ROCK2: variants seen among roughly 807,000 people sequenced by gnomAD.
ROCK2 encodes Rho associated coiled-coil containing protein kinase 2.
In ROCK2, 61 loss-of-function variants were observed where a neutral mutation model predicts 195.1. That is an observed-to-expected ratio of 0.31 (90% CI 0.25 to 0.39). ROCK2 has a LOEUF of 0.39. Among genes scored for constraint, ROCK2 ranks in the 10% least tolerant of loss-of-function variants. The pLI is 1.00. For synonymous variants in ROCK2, 504 were observed against 545.5 expected (o/e 0.92, Z 1.06); for missense variants, 1,109 against 1,637.4 (o/e 0.68, Z 5.57).
chr2:11,343,705 A>C (rs1669183506), intron 1 of ROCK2, among the ~76,000 whole-genome samples: 1 of 152,116 alleles, frequency 6.6e-6, no homozygotes. Context: ...ACCTCCCCAG[A>C]GTGGGCAGGC....
intron 5 of ROCK2, among the ~76,000 whole-genome samples, chr2:11,228,805 G>T (rs1048779748): frequency 2.0e-5 from 3 of 151,732 alleles, no homozygotes; most frequent in Non-Finnish European, 1.5e-5. Flanking sequence ...ACAACCAAAG[G>T]AAAAATTACT....
intron 3 of ROCK2, among the ~76,000 whole-genome samples, chr2:11,252,893 T>C (rs1444726737): frequency 6.6e-6 from 1 of 151,360 alleles, no homozygotes; most frequent in Non-Finnish European, 1.5e-5. Context: ...CGTATACCTA[T>C]GTAACAAACC....
At chr2:11,305,236 C>T (rs1243805031) in intron 1 of ROCK2, among the ~76,000 whole-genome samples, 2 of 152,064 alleles carry the variant, frequency 1.3e-5, no homozygotes, top group African/African-American at 4.8e-5. Flanking sequence ...ATTAGCTGGG[C>T]ATGGTGGCGC....
intron 3 of ROCK2, among the ~76,000 whole-genome samples, chr2:11,252,974 T>C (rs1665891410): frequency 7.2e-6 from 1 of 139,284 alleles, no homozygotes; most frequent in Non-Finnish European, 1.5e-5. Flanking sequence ...ATAATAATAA[T>C]AATAATAATA....
intron 1 of ROCK2, among the ~76,000 whole-genome samples, chr2:11,298,557 T>C (rs1464380648): frequency 6.6e-6 from 1 of 150,986 alleles, no homozygotes; most frequent in East Asian, 2.0e-4. Context: ...CATTTTCACA[T>C]ACCTTTTCTA....
At chr2:11,262,917 A>C (rs1666283748) in intron 3 of ROCK2, among the ~76,000 whole-genome samples, 1 of 152,170 alleles carries the variant, frequency 6.6e-6, no homozygotes, top group South Asian at 2.1e-4. Context: ...TTTTTATAAG[A>C]AGATCCAATG....
At chr2:11,198,822 TTA>T (rs895602714) in intron 23 of ROCK2, 48 bp from the exon 24 acceptor site, 11 of 1,051,314 alleles carry the variant, frequency 1.0e-5, no homozygotes, top group East Asian at 2.4e-5. Flanking sequence ...TTTACACAAT[TTA>T]TGTTATAAAA....
At chr2:11,283,152 A>C (rs1667065451) in intron 3 of ROCK2, among the ~76,000 whole-genome samples, 1 of 152,026 alleles carries the variant, frequency 6.6e-6, no homozygotes, top group African/African-American at 2.4e-5. Flanking sequence ...CTGTAATCCC[A>C]GCTACTTGGG....
At chr2:11,227,457 A>G in intron 5 of ROCK2, 59 bp from the exon 6 acceptor site, 1 of 1,473,792 alleles carries the variant, frequency 6.8e-7, no homozygotes, top group Non-Finnish European at 9.3e-7. Flanking sequence ...ACACTTATAA[A>G]TGCAATGAAT....
intron 1 of ROCK2, among the ~76,000 whole-genome samples, chr2:11,316,355 T>G (rs1030654348): frequency 2.0e-5 from 3 of 152,164 alleles, no homozygotes; most frequent in Non-Finnish European, 4.4e-5. Flanking sequence ...ATCCATACTT[T>G]GTCAATTACT....
At chr2:11,281,623 T>C (rs184251157) in intron 3 of ROCK2, among the ~76,000 whole-genome samples, 1 of 152,282 alleles carries the variant, frequency 6.6e-6, no homozygotes, top group East Asian at 1.9e-4. Flanking sequence ...GAAATTAAAT[T>C]CCTCTATATG....
intron 1 of ROCK2, among the ~76,000 whole-genome samples, chr2:11,294,025 C>A (rs1667437217): frequency 6.6e-6 from 1 of 151,948 alleles, no homozygotes; most frequent in Non-Finnish European, 1.5e-5. Flanking sequence ...GGCATGGTGG[C>A]GGGCGCCTGT....
In ROCK2 at chr2:11,188,037, C is replaced by T. The variant is rs143460033; in HGVS notation, c.4163+4111G>A. ...ACTTTTCTGCATGCATTAAATACTG[C>T]GTTAAAAAAAATCTTTAAAAGAAAA... On this transcript the variant is annotated intron_variant, in intron 32 of 32. Coordinates refer to ENST00000315872, the MANE Select transcript of ROCK2 (RefSeq NM_004850.5). Among the ~76,000 whole-genome samples, 5 of 150,116 alleles carry T rather than the reference C, an allele frequency of 3.3e-5. No homozygotes were observed. In the East Asian group the frequency reaches 7.8e-4, roughly 23 times the overall value.
intron 11 of ROCK2, 54 bp downstream of exon 11, chr2:11,218,401 C>T (rs773651435): frequency 6.2e-6 from 9 of 1,453,378 alleles, no homozygotes; most frequent in Middle Eastern, 1.8e-4. Context: ...TTAAACTTTG[C>T]GAGAGTGATG....
chr2:11,302,144 T>C (rs543035894), intron 1 of ROCK2, among the ~76,000 whole-genome samples: 2 of 152,308 alleles, frequency 1.3e-5, no homozygotes, highest in East Asian at 3.9e-4. Context: ...AATTTCTCCA[T>C]TATGGTTTCA....
At chr2:11,249,623 A>T in intron 4 of ROCK2, 38 bp downstream of exon 4, 1 of 1,405,900 alleles carries the variant, frequency 7.1e-7, no homozygotes, top group South Asian at 2.0e-5. Context: ...AGCACTCATA[A>T]AAAAAGGAAA....
intron 1 of ROCK2, among the ~76,000 whole-genome samples, chr2:11,303,616 G>GA (rs1247512256): frequency 1.3e-5 from 2 of 151,940 alleles, no homozygotes; most frequent in African/African-American, 2.4e-5. Context: ...TTACCCTTAA[G>GA]AAAAAATCCC....
intron 4 of ROCK2, among the ~76,000 whole-genome samples, chr2:11,244,378 T>C (rs1210544357): frequency 6.6e-6 from 1 of 152,230 alleles, no homozygotes; most frequent in Non-Finnish European, 1.5e-5. Flanking sequence ...TTGTTGAAGC[T>C]GGGTGAACTG....
Position 11,192,779 on chromosome 2 carries a change from G to T in ROCK2, c.3688-67C>A. 1 of 1,476,872 alleles carries T rather than the reference G, an allele frequency of 6.8e-7. No individual in the cohort carries two copies. Among genetic ancestry groups the T allele is most frequent in the Non-Finnish European group, 9.1e-7 (1 of 1,098,648 alleles). 91.5% of individuals were successfully genotyped at this position (1,476,872 alleles called of 1,614,324 possible). A position where few individuals can be genotyped will look rare whatever the true frequency, so the allele number is the denominator to read the frequency against. ...TATTTTTTTATGTAGGAACAATTCT[G>T]ATAGTGTAAGTAAAATAAAATTAGC... On this transcript the variant is annotated intron_variant, in intron 30 of 32. Transcript: ENST00000315872. The surrounding 1 kb of genome is among the most constrained non-coding windows in gnomAD (Gnocchi z 5.0).
Sources: allele counts gnomAD v4.1 joint callset (sites outside exome capture counted in the v4.1 genomes callset), GRCh38; gene constraint gnomAD v4.1.1; non-coding constraint Gnocchi (gnomAD v3.1); transcripts MANE v1.5; gene names NCBI Gene and HGNC (gene_info 2026-07-23, HGNC 2026-07-21).